The following KANK1 variants were observed in gnomAD, a reference collection of about 807,000 sequenced individuals.
KANK1 encodes the protein KN motif and ankyrin repeat domain-containing protein 1.
A neutral mutation model predicts 106.2 loss-of-function variants in KANK1; 109 were observed. The observed-to-expected ratio is 1.03, with a 90% CI of 0.88 to 1.20. KANK1 has a LOEUF of 1.20. Ranked by LOEUF, KANK1 falls within the 50% of genes most tolerant of loss-of-function variation. KANK1 has a pLI of 0.00. For missense variants in KANK1, 2,399 were observed against 1,710.7 expected (o/e 1.40, Z -7.10); for synonymous variants, 873 against 652.2 (o/e 1.34, Z -5.16).
chr9:727,400 C>G (rs1830975656), intron 3 of KANK1, among the ~76,000 whole-genome samples: 1 of 152,018 alleles, frequency 6.6e-6, no homozygotes, highest in African/African-American at 2.4e-5. Context: ...ACTGCAACCT[C>G]TGCCTCCCGG....
At chr9:477,375 C>T (rs1381878929) in intron 3 of KANK1, among the ~76,000 whole-genome samples, 4 of 150,536 alleles carry the variant, frequency 2.7e-5, no homozygotes, top group Non-Finnish European at 5.9e-5. Flanking sequence ...CTTTAAAATT[C>T]AGAGGTTGGA....
At chr9:524,451 G>T (rs2059690763) in intron 1 of KANK1, among the ~76,000 whole-genome samples, 1 of 151,676 alleles carries the variant, frequency 6.6e-6, no homozygotes, top group African/African-American at 2.4e-5. Context: ...GCTTACGGCT[G>T]GTTTTATTTT....
chr9:694,883 C>G (rs968762666), intron 2 of KANK1, among the ~76,000 whole-genome samples: 2 of 152,122 alleles, frequency 1.3e-5, no homozygotes, highest in Non-Finnish European at 2.9e-5. Context: ...ACTGCAGGCT[C>G]TGTCTGCCTG....
intron 2 of KANK1, among the ~76,000 whole-genome samples, chr9:697,284 C>A (rs556739114): frequency 6.6e-6 from 1 of 152,134 alleles, no homozygotes; most frequent in Non-Finnish European, 1.5e-5. Context: ...AAAAGTGATG[C>A]TCTGCTCTTC....
intron 1 of KANK1, among the ~76,000 whole-genome samples, chr9:675,271 T>C (rs1241095998): frequency 1.3e-5 from 2 of 152,204 alleles, no homozygotes; most frequent in Non-Finnish European, 2.9e-5. Context: ...TTAGAATTAG[T>C]GTATACAGAT....
chr9:706,682 A>C lies in KANK1; in HGVS notation c.38-4122A>C, dbSNP rs893839793. ...TTCATCAGTGGCAAAGGCTCAGTTGAAATTAATGATAAAGGATAACTACTT... is the reference window on the plus strand; with the variant it reads ...TTCATCAGTGGCAAAGGCTCAGTTGCAATTAATGATAAAGGATAACTACTT... On this transcript the variant is annotated intron_variant, in intron 2 of 11. Transcript: ENST00000382297. 2.0e-5 allele frequency: 13 copies of C among 649,574 alleles called. No homozygotes were observed. In the African/African-American group the frequency reaches 2.6e-4, roughly 13 times the overall value. The allele number at this position is 649,574 out of a possible 1,614,324, so 40.2% of individuals were successfully genotyped here.
rs1828302027 is a variant in KANK1 at position 718,304 on chromosome 9, T to C, written c.2698+4840T>C. On this transcript the variant is annotated intron_variant, in intron 3 of 11. Transcript: ENST00000382297. Reference sequence around the variant, plus strand: ...TGTAGGTAACTTGCTGTGTCTTTTTTTTTTTTTTTTTTTTTTTTTTACTCT... The same window carrying C: ...TGTAGGTAACTTGCTGTGTCTTTTTCTTTTTTTTTTTTTTTTTTTTACTCT... Among the ~76,000 whole-genome samples, 35 of 141,792 alleles carry C rather than the reference T, an allele frequency of 2.5e-4. 1 individual carries two copies. In the South Asian group the frequency reaches 8.3e-3, roughly 34 times the overall value. The allele number at this position is 141,792 out of a possible 152,430, so 93.0% of individuals were successfully genotyped here. A position where few individuals can be genotyped will look rare whatever the true frequency, so the allele number is the denominator to read the frequency against.
Position 676,745 on chromosome 9 carries a change from A to G in KANK1, c.-83-145A>G, listed in dbSNP as rs12685605. ...ATCTCCATACTGCCAGGTCCAATGCAGTCACCTCCTGGATCTATAGTCTTT... is the reference window on the plus strand; with the variant it reads ...ATCTCCATACTGCCAGGTCCAATGCGGTCACCTCCTGGATCTATAGTCTTT... On this transcript the variant is annotated intron_variant, in intron 1 of 11. Coordinates refer to ENST00000382297, the MANE Select transcript of KANK1 (RefSeq NM_015158.5). 0.03 allele frequency: 13,607 copies of G among 448,500 alleles called. 840 individuals are homozygous for G. Among genetic ancestry groups the G allele is most frequent in the East Asian group, 0.16 (4,143 of 25,544 alleles). The allele number at this position is 448,500 out of a possible 1,614,324, so 27.8% of individuals were successfully genotyped here.
rs1230401820 is a variant in KANK1 at position 569,136 on chromosome 9, C to G, written c.-84+64382C>G. Reference sequence around the variant, plus strand: ...ACACTACTGTATCCAGCTGCCTGACCCAGTCCTGCCCACCTGCCTTCCTTT... The same window carrying G: ...ACACTACTGTATCCAGCTGCCTGACGCAGTCCTGCCCACCTGCCTTCCTTT... On this transcript the variant is annotated intron_variant, in intron 1 of 11. Transcript: ENST00000382297. Among the ~76,000 whole-genome samples the G allele has an allele frequency of 1.3e-5, 2 of 152,174 alleles. 1 individual carries two copies. The highest frequency in any genetic ancestry group is 6.8e-3 in the Middle Eastern group (2 of 292).
Position 596,424 on chromosome 9 carries a change from A to C in KANK1, c.-83-80466A>C, listed in dbSNP as rs140536070. Among the ~76,000 whole-genome samples the C allele has an allele frequency of 6.4e-3, 979 of 151,952 alleles. 49 individuals are homozygous for C. The highest frequency in any genetic ancestry group is 0.059 in the Admixed American group (895 of 15,298). On this transcript the variant is annotated intron_variant, in intron 1 of 11. Transcript: ENST00000382297. Reference sequence around the variant, plus strand: ...GGTAGAGAAAAGACTAAAGGCAACCAAGGCTGGCTGTCCTCTGAGCCCCTA... The same window carrying C: ...GGTAGAGAAAAGACTAAAGGCAACCCAGGCTGGCTGTCCTCTGAGCCCCTA...
In KANK1 at chr9:742,279, G is replaced by T; in HGVS notation, c.3771G>T (p.Gly1257=). 1 of 1,614,122 alleles carries T rather than the reference G, an allele frequency of 6.2e-7. No homozygotes were observed. The highest frequency in any genetic ancestry group is 8.5e-7 in the Non-Finnish European group (1 of 1,180,026). ...TGGTGAAGGGCCTTCTGGCCTGTGG[G>T]GCTGATGTCAACATCCAGGATGACG... ...IDMVKGLLAC[G]ADVNIQDDEG... is the part of the protein sequence containing the mutation. Residue 1257 remains glycine (G), a synonymous_variant, in exon 10 of 12, where the codon GGG becomes GGT. Transcript: ENST00000382297.
upstream of KANK1, among the ~76,000 whole-genome samples, chr9:502,377 A>C (rs1158142051): frequency 6.6e-6 from 1 of 152,220 alleles, no homozygotes; most frequent in Admixed American, 6.5e-5. Flanking sequence ...ATGAAATTTC[A>C]AGTATAAATC....
intron 1 of KANK1, among the ~76,000 whole-genome samples, chr9:600,949 G>A (rs1400641439): frequency 6.6e-6 from 1 of 151,706 alleles, no homozygotes; most frequent in African/African-American, 2.4e-5. Context: ...GTGATGTTCT[G>A]TCTTTCTGAG....
intron 1 of KANK1, among the ~76,000 whole-genome samples, chr9:630,214 T>C (rs1478106857): frequency 2.0e-5 from 3 of 150,222 alleles, no homozygotes; most frequent in Non-Finnish European, 4.4e-5. Context: ...CACCACTGCA[T>C]TCCAGCCTGG....
chr9:718,980 GAC>G (rs1828545517), intron 3 of KANK1, among the ~76,000 whole-genome samples: 1 of 59,980 alleles, frequency 1.7e-5, no homozygotes, highest in Non-Finnish European at 3.6e-5. Flanking sequence ...TTTTTTTTGA[GAC>G]ACAGTCACAC....
upstream of KANK1, among the ~76,000 whole-genome samples, chr9:503,509 C>T (rs189203056): frequency 6.6e-6 from 1 of 152,326 alleles, no homozygotes; most frequent in African/African-American, 2.4e-5. Context: ...AGCGTCTTCT[C>T]CCCAGAGGCA....
At position 599,286 on chromosome 9, in the gene KANK1, G is replaced by A. The variant is rs574900880; in HGVS notation, c.-83-77604G>A. Among the ~76,000 whole-genome samples, 75 of 151,104 alleles carry A rather than the reference G, an allele frequency of 5.0e-4. 3 individuals are homozygous for A. The highest frequency in any genetic ancestry group is 1.8e-3 in the African/African-American group (73 of 40,842). On this transcript the variant is annotated intron_variant, in intron 1 of 11. Transcript: ENST00000382297. The stretch of plus-strand genomic sequence containing the variant: ...GCCCATCCCAGCCTCCCAAAGTGCT[G>A]GGATTATAGTTGTGAGCCACCACAC...
chr9:502,832 A>C (rs1457660848), upstream of KANK1, among the ~76,000 whole-genome samples: 2 of 151,562 alleles, frequency 1.3e-5, no homozygotes, highest in African/African-American at 4.9e-5. Context: ...GGTCGAGGGC[A>C]CTATTTATTT....
rs143619439 is a variant in KANK1 at position 741,077 on chromosome 9, T to A, written c.3696+143T>A. ...GCAGGCCTGCCCTGAGTCCATACACTGCCTGGCACTCCTTGCTGACCAAAC... is the reference window on the plus strand; with the variant it reads ...GCAGGCCTGCCCTGAGTCCATACACAGCCTGGCACTCCTTGCTGACCAAAC... On this transcript the variant is annotated intron_variant, in intron 9 of 11. Transcript: ENST00000382297. The A allele has an allele frequency of 4.1e-5, 34 of 825,912 alleles. No individual in the cohort carries two copies. In the East Asian group the frequency reaches 7.8e-4, roughly 19 times the overall value. 51.2% of individuals were successfully genotyped at this position (825,912 alleles called of 1,614,324 possible). A position where few individuals can be genotyped will look rare whatever the true frequency, so the allele number is the denominator to read the frequency against.
Sources: allele counts gnomAD v4.1 joint callset (sites outside exome capture counted in the v4.1 genomes callset), GRCh38; gene constraint gnomAD v4.1.1; transcripts MANE v1.5; gene names NCBI Gene and HGNC (gene_info 2026-07-23, HGNC 2026-07-21).